The following DMXL2 variants were observed in gnomAD, a reference collection of about 807,000 sequenced individuals.
DMXL2 encodes dmX-like protein 2.
A neutral mutation model predicts 331.1 loss-of-function variants in DMXL2; 103 were observed. The ratio of observed to expected loss-of-function variants is 0.31; its 90% CI spans 0.27 to 0.37. DMXL2 has a LOEUF of 0.37. DMXL2 is among the 10% of genes least tolerant of loss of function. The pLI, the probability that DMXL2 is intolerant of heterozygous loss-of-function variation, is 1.00. For synonymous variants in DMXL2, 1,281 were observed against 1,252.1 expected, an observed-to-expected ratio of 1.02 and a Z score of -0.49; for missense variants, 3,171 against 3,642.9, an observed-to-expected ratio of 0.87 and a Z score of 3.33.
intron 33 of DMXL2, chr15:51,463,139 A>T: frequency 3.2e-6 from 1 of 308,304 alleles, no homozygotes; most frequent in Non-Finnish European, 6.0e-6. Context: ...AATGACAAAT[A>T]CTGTAAAGTA....
At chr15:51,577,896 G>A (rs1363268577) in intron 1 of DMXL2, among the ~76,000 whole-genome samples, 1 of 152,126 alleles carries the variant, frequency 6.6e-6, no homozygotes, top group Non-Finnish European at 1.5e-5. Flanking sequence ...TAGGATACTT[G>A]TGAAAATTAA....
At chr15:51,487,920 A>G in intron 22 of DMXL2, 34 bp downstream of exon 22, 1 of 1,485,314 alleles carries the variant, frequency 6.7e-7, no homozygotes, top group East Asian at 2.4e-5. Context: ...TCAATCTTTT[A>G]CAAGTATTAT....
At chr15:51,466,385 TGTA>T in intron 29 of DMXL2, 74 bp from the exon 30 acceptor site, 1 of 448,532 alleles carries the variant, frequency 2.2e-6, no homozygotes, top group South Asian at 9.2e-5. Flanking sequence ...TTATATAACA[TGTA>T]TTATATATTT....
intron 1 of DMXL2, among the ~76,000 whole-genome samples, chr15:51,587,292 A>G (rs1427641172): frequency 1.3e-5 from 2 of 152,106 alleles, no homozygotes. Flanking sequence ...AGCATTAGGT[A>G]TATCTCCTAA....
At chr15:51,531,650 A>G (rs1476733142) in intron 13 of DMXL2, among the ~76,000 whole-genome samples, 1 of 152,228 alleles carries the variant, frequency 6.6e-6, no homozygotes, top group Non-Finnish European at 1.5e-5. Flanking sequence ...ACCAGAATAT[A>G]TAAGAAGCTC....
At chr15:51,536,888 G>T in intron 11 of DMXL2, 26 bp from the exon 12 acceptor site, 1 of 1,529,654 alleles carries the variant, frequency 6.5e-7, no homozygotes, top group Non-Finnish European at 8.8e-7. Context: ...ATATGATTCA[G>T]TGCAAATAGT....
intron 9 of DMXL2, among the ~76,000 whole-genome samples, chr15:51,541,708 G>A (rs1174115064): frequency 6.6e-6 from 1 of 152,090 alleles, no homozygotes; most frequent in African/African-American, 2.4e-5. Context: ...TATGAGCAAT[G>A]TAATATAAAA....
chr15:51,542,722 T>C (rs2048669866), intron 8 of DMXL2, among the ~76,000 whole-genome samples: 1 of 152,090 alleles, frequency 6.6e-6, no homozygotes, highest in African/African-American at 2.4e-5. Context: ...TGTGCAAAAA[T>C]ACTTATTCAT....
At chr15:51,463,662 G>A (rs2140262966) in intron 32 of DMXL2, among the ~76,000 whole-genome samples, 166 bp from the exon 33 acceptor site, 1 of 152,208 alleles carries the variant, frequency 6.6e-6, no homozygotes, top group East Asian at 1.9e-4. Flanking sequence ...CAACAAAACT[G>A]TACAGTTTAC....
intron 1 of DMXL2, among the ~76,000 whole-genome samples, chr15:51,612,373 C>A (rs1001531160): frequency 2.6e-5 from 4 of 152,074 alleles, no homozygotes. Context: ...TAATTTATAG[C>A]TAATAACAAT....
At chr15:51,597,867 A>G (rs777291474) in intron 1 of DMXL2, among the ~76,000 whole-genome samples, 18 of 152,192 alleles carry the variant, frequency 1.2e-4, no homozygotes, top group Non-Finnish European at 7.4e-5. Context: ...CCTGATTTCA[A>G]TCTGTCTTTT....
intron 1 of DMXL2, among the ~76,000 whole-genome samples, chr15:51,595,096 AAGGGTATTCAATT>A (rs2052696120): frequency 6.6e-6 from 1 of 152,198 alleles, no homozygotes; most frequent in Non-Finnish European, 1.5e-5. Context: ...GAAGGAAATA[AAGGGTATTCAATT>A]AGGAAAAGAG....
chr15:51,568,411 G>T, intron 3 of DMXL2, 76 bp downstream of exon 3: 1 of 978,324 alleles, frequency 1.0e-6, no homozygotes, highest in South Asian at 1.7e-5. Context: ...AGCTCCTAAG[G>T]AGCTTTTTAT....
At position 51,514,444 on chromosome 15, in the gene DMXL2, T is replaced by C; in HGVS notation, c.2642A>G (p.Gln881Arg). The part of the protein sequence containing the change: ...KETEIFFQPS[Q>R]GYRPPPFSEK... Reference sequence around the variant, plus strand: ...TGCAGACTATTTTTTTAAAGTACCTTGTGATGGCTGAAAAAATATTTCTGT... The same window carrying C: ...TGCAGACTATTTTTTTAAAGTACCTCGTGATGGCTGAAAAAATATTTCTGT... Residue 881 changes from glutamine (Q) to arginine (R), a missense_variant and splice_region_variant, in exon 15 of 44, where the codon CAA becomes CGA. Transcript: ENST00000560891. 1 of 1,527,280 alleles carries C rather than the reference T, an allele frequency of 6.5e-7. No individual in the cohort carries two copies. Among genetic ancestry groups the C allele is most frequent in the Non-Finnish European group, 9.0e-7 (1 of 1,115,098 alleles). 94.6% of individuals were successfully genotyped at this position (1,527,280 alleles called of 1,614,324 possible).
Position 51,471,301 on chromosome 15 carries a change from C to CGGTGGTGG in DMXL2, c.7306_7313dup (p.Val2439HisfsTer78). 1 of 1,613,874 alleles carries CGGTGGTGG rather than the reference C, an allele frequency of 6.2e-7. No individual in the cohort carries two copies. Among genetic ancestry groups the CGGTGGTGG allele is most frequent in the Non-Finnish European group, 8.5e-7 (1 of 1,179,880 alleles). On this transcript the variant is annotated frameshift_variant, in exon 29 of 44. Transcript: ENST00000560891. LOFTEE classifies it high-confidence loss of function. Reference sequence around the variant, plus strand: ...TGTAAGATGGTCTTTCTGCAGGCACCGGTGGTGGGGTAGCATCTTTTACAG... The same window carrying CGGTGGTGG: ...TGTAAGATGGTCTTTCTGCAGGCACCGGTGGTGGGGTGGTGGGGTAGCATCTTTTACAG...
chr15:51,461,327 A>G (rs1162100427), intron 33 of DMXL2, among the ~76,000 whole-genome samples: 1 of 152,160 alleles, frequency 6.6e-6, no homozygotes, highest in Non-Finnish European at 1.5e-5. Context: ...ACTCGTGGGG[A>G]AGGGCAAGAC....
intron 21 of DMXL2, 142 bp from the exon 22 acceptor site, chr15:51,488,261 T>A (rs769760879): frequency 2.7e-5 from 22 of 817,132 alleles, no homozygotes; most frequent in Non-Finnish European, 3.6e-5. Flanking sequence ...TTATCAAGCA[T>A]CTCTTCACTT....
At chr15:51,487,224 A>C (rs2042457381) in intron 22 of DMXL2, among the ~76,000 whole-genome samples, 1 of 152,142 alleles carries the variant, frequency 6.6e-6, no homozygotes, top group South Asian at 2.1e-4. Flanking sequence ...AATATTATAA[A>C]CTATTATAAA....
At position 51,474,535 on chromosome 15, in the gene DMXL2, A is replaced by G. The variant is rs763598216; in HGVS notation, c.7022T>C (p.Leu2341Pro). The change falls in exon 28 of 44, where the codon CTG becomes CCG. Residue 2341 changes from leucine to proline, a missense_variant. Leu to Pro is a moderately conservative substitution (Grantham distance 98). Coordinates refer to ENST00000560891, the MANE Select transcript of DMXL2 (RefSeq NM_001378457.1). ...AACAGCTTCACATAGCAAAATGTTC[A>G]GTTTTGGCTGGTCTTCATCTTGGGC... ...SSAQDEDQPK[L>P]NILLCEAVVA... The G allele has an allele frequency of 2.5e-6, 4 of 1,614,168 alleles. No homozygotes were observed. Among genetic ancestry groups the G allele is most frequent in the Non-Finnish European group, 3.4e-6 (4 of 1,180,002 alleles).
Sources: allele counts gnomAD v4.1 joint callset (sites outside exome capture counted in the v4.1 genomes callset), GRCh38; gene constraint gnomAD v4.1.1; transcripts MANE v1.5; gene names NCBI Gene and HGNC (gene_info 2026-07-23, HGNC 2026-07-21).